DAB1: variants seen among roughly 807,000 people sequenced by gnomAD.
DAB1 encodes DAB adaptor protein 1, also known as disabled homolog 1.
DAB1 carries 15 observed loss-of-function variants against 64.6 expected under a neutral mutation model. The ratio of observed to expected loss-of-function variants is 0.23; its 90% CI spans 0.16 to 0.36. The LOEUF (loss-of-function observed/expected upper bound fraction) is 0.36, where lower values mean the gene tolerates loss of function less well. DAB1 is among the 10% of genes least tolerant of loss of function. The pLI is 1.00. For synonymous variants in DAB1, 235 were observed against 251.9 expected (o/e 0.93, Z 0.64); for missense variants, 596 against 706.7 (o/e 0.84, Z 1.78).
chr1:58,140,193 G>A (rs1246905034), intron 5 of DAB1, among the ~76,000 whole-genome samples: 2 of 152,092 alleles, frequency 1.3e-5, no homozygotes, highest in Non-Finnish European at 2.9e-5. Context: ...TCATTGTTTG[G>A]TTAAGATGCT....
intron 12 of DAB1, among the ~76,000 whole-genome samples, chr1:57,011,921 TG>T (rs1646279430): frequency 6.6e-6 from 1 of 152,180 alleles, no homozygotes; most frequent in African/African-American, 2.4e-5. Context: ...AAAGAGAAAG[TG>T]TCTCAGTGAT....
chr1:57,261,942 G>C (rs1275035034), intron 2 of DAB1, among the ~76,000 whole-genome samples: 1 of 152,190 alleles, frequency 6.6e-6, no homozygotes, highest in Non-Finnish European at 1.5e-5. Flanking sequence ...TCATTCATCT[G>C]TCCAGTACCT....
chr1:58,161,086 C>T (rs1044709084), intron 4 of DAB1, among the ~76,000 whole-genome samples: 4 of 151,330 alleles, frequency 2.6e-5, no homozygotes. Context: ...GAAGATGGGA[C>T]ACAAGTAGAA....
chr1:57,623,337 T>A (rs915248541), intron 7 of DAB1, among the ~76,000 whole-genome samples: 1 of 152,192 alleles, frequency 6.6e-6, no homozygotes, highest in Non-Finnish European at 1.5e-5. Context: ...GTCGAATTTG[T>A]TGAACTCCTT....
At chr1:58,208,730 G>A (rs1658406520) in intron 4 of DAB1, among the ~76,000 whole-genome samples, 1 of 152,128 alleles carries the variant, frequency 6.6e-6, no homozygotes. Context: ...TTGCAATTGT[G>A]AATGGTGCTG....
intron 7 of DAB1, among the ~76,000 whole-genome samples, chr1:57,584,793 C>T (rs1004784914): frequency 1.3e-5 from 2 of 152,176 alleles, no homozygotes; most frequent in Non-Finnish European, 1.5e-5. Flanking sequence ...TCCCCTAATA[C>T]CTGTATGGAT....
intron 1 of DAB1, among the ~76,000 whole-genome samples, chr1:57,849,257 T>TAC (rs1653418237): frequency 6.6e-6 from 1 of 152,194 alleles, no homozygotes; most frequent in Non-Finnish European, 1.5e-5. Context: ...TCCTCACTGC[T>TAC]ACACCAAATG....
chr1:58,055,207 C>A (rs1297994764), intron 5 of DAB1, among the ~76,000 whole-genome samples: 1 of 152,182 alleles, frequency 6.6e-6, no homozygotes, highest in Non-Finnish European at 1.5e-5. Flanking sequence ...ACAGGATCTG[C>A]AGATCTGGCT....
chr1:57,367,759 C>T (rs1680175669), intron 1 of DAB1, among the ~76,000 whole-genome samples: 1 of 152,152 alleles, frequency 6.6e-6, no homozygotes, highest in Non-Finnish European at 1.5e-5. Flanking sequence ...GGCAGGAACT[C>T]CCCACATGCA....
intron 2 of DAB1, among the ~76,000 whole-genome samples, chr1:57,246,956 C>A (rs1668931253): frequency 6.6e-6 from 1 of 152,210 alleles, no homozygotes; most frequent in Admixed American, 6.5e-5. Flanking sequence ...GCCTGTACCC[C>A]CATTGTATCT....
intron 4 of DAB1, among the ~76,000 whole-genome samples, chr1:57,074,340 G>A (rs1466422989): frequency 6.6e-6 from 1 of 152,110 alleles, no homozygotes; most frequent in East Asian, 1.9e-4. Context: ...AGTCCATGGA[G>A]GGAGAGAGAA....
intron 2 of DAB1, among the ~76,000 whole-genome samples, chr1:57,287,167 G>A (rs1457913793): frequency 6.6e-6 from 1 of 152,164 alleles, no homozygotes; most frequent in Admixed American, 6.5e-5. Flanking sequence ...CAATTCATGG[G>A]CTCAAGCCAT....
At chr1:57,244,104 A>G (rs1338619992) in intron 2 of DAB1, among the ~76,000 whole-genome samples, 4 of 152,052 alleles carry the variant, frequency 2.6e-5, no homozygotes, top group African/African-American at 4.8e-5. Flanking sequence ...CTTTTTGTGT[A>G]TTCTCTCTTA....
chr1:58,426,268 A>T (rs1436792308), intron 3 of DAB1, among the ~76,000 whole-genome samples: 1 of 152,122 alleles, frequency 6.6e-6, no homozygotes, highest in Non-Finnish European at 1.5e-5. Flanking sequence ...ACCATACCAC[A>T]TGCTTCTTAC....
intron 1 of DAB1, among the ~76,000 whole-genome samples, chr1:57,387,974 T>G (rs1197077298): frequency 6.6e-6 from 1 of 152,064 alleles, no homozygotes; most frequent in Non-Finnish European, 1.5e-5. Flanking sequence ...TCTGTCTTCT[T>G]CCTCCACTCT....
Position 58,253,008 on chromosome 1 carries a change from T to C in DAB1, n.309+90344A>G, listed in dbSNP as rs188963447. Among the ~76,000 whole-genome samples the C allele has an allele frequency of 1.6e-4, 24 of 152,322 alleles. No individual in the cohort carries two copies. The East Asian group carries it at 3.5e-3, about 22-fold the overall frequency. On this transcript the variant is annotated intron_variant and non_coding_transcript_variant, in intron 4 of 20. Transcript: ENST00000485760. ...AGGGATCTTAAATGTTAAGTGGTCA[T>C]AGAAACTTACTCACTACTGCTGGGT...
chr1:57,687,477 C>T (rs924853902), intron 6 of DAB1, among the ~76,000 whole-genome samples: 2 of 151,590 alleles, frequency 1.3e-5, no homozygotes, highest in Admixed American at 1.3e-4. Context: ...AAGTAATCTA[C>T]AGGTTCAGCA....
intron 1 of DAB1, among the ~76,000 whole-genome samples, chr1:57,363,809 C>T (rs1679747133): frequency 6.6e-6 from 1 of 152,146 alleles, no homozygotes. Flanking sequence ...CTAAAATCAG[C>T]TGATATTTGT....
intron 4 of DAB1, among the ~76,000 whole-genome samples, chr1:58,341,209 T>C (rs867573309): frequency 1.3e-5 from 2 of 152,210 alleles, no homozygotes; most frequent in African/African-American, 2.4e-5. Flanking sequence ...TATTTTCTTA[T>C]GATTTCCAAA....
Sources: allele counts gnomAD v4.1 joint callset (sites outside exome capture counted in the v4.1 genomes callset), GRCh38; gene constraint gnomAD v4.1.1; transcripts MANE v1.5; gene names NCBI Gene and HGNC (gene_info 2026-07-23, HGNC 2026-07-21).